The following MACROD1 variants were observed in gnomAD, a reference collection of about 807,000 sequenced individuals.
MACROD1 encodes the protein mono-ADP ribosylhydrolase 1.
Under a neutral mutation model 41.4 loss-of-function variants are expected in MACROD1, and 31 were observed. The ratio of observed to expected loss-of-function variants is 0.75; its 90% CI spans 0.56 to 1.01. The LOEUF (loss-of-function observed/expected upper bound fraction) is 1.01. Among genes scored for constraint, MACROD1 ranks in the 50% least tolerant of loss-of-function variants. The probability of loss-of-function intolerance (pLI) is 0.00; values close to 1 mark genes in which losing one functional copy is unlikely to be tolerated. For synonymous variants in MACROD1, 252 were observed against 203.4 expected, an observed-to-expected ratio of 1.24 and a Z score of -2.03; for missense variants, 473 against 460.0, an observed-to-expected ratio of 1.03 and a Z score of -0.26.
At chr11:64,058,669 C>T (rs539795246) in intron 3 of MACROD1, among the ~76,000 whole-genome samples, 5 of 152,382 alleles carry the variant, frequency 3.3e-5, no homozygotes, top group East Asian at 1.9e-4. Flanking sequence ...AACAGCTTCC[C>T]GCTCCACGCC....
chr11:64,061,476 C>T (rs1020724786), intron 3 of MACROD1, among the ~76,000 whole-genome samples: 2 of 152,196 alleles, frequency 1.3e-5, no homozygotes, highest in Non-Finnish European at 2.9e-5. Context: ...AAGTCCCCTG[C>T]CTCTGACCCC....
intron 3 of MACROD1, among the ~76,000 whole-genome samples, chr11:64,105,893 A>G (rs1944754267): frequency 6.6e-6 from 1 of 150,690 alleles, no homozygotes; most frequent in Admixed American, 6.6e-5. Context: ...TCATCTGCAA[A>G]AAGCAGACAA....
At chr11:64,145,079 C>T (rs1945474869) in intron 3 of MACROD1, among the ~76,000 whole-genome samples, 1 of 152,232 alleles carries the variant, frequency 6.6e-6, no homozygotes, top group Non-Finnish European at 1.5e-5. Context: ...GAGGCAGGGG[C>T]TGCCGGTGCT....
At chr11:64,051,489 T>A (rs1402994295) in intron 3 of MACROD1, among the ~76,000 whole-genome samples, 1 of 152,148 alleles carries the variant, frequency 6.6e-6, no homozygotes, top group Non-Finnish European at 1.5e-5. Context: ...GGGGGCACCC[T>A]CTCGGAAGCC....
chr11:64,120,124 G>C lies in MACROD1; in HGVS notation c.517+31115C>G, dbSNP rs980064931. The stretch of plus-strand genomic sequence containing the variant: ...GGGCAGGGGTTACGTTAAAAGGCCC[G>C]ACCGCCACCTTCAGTGAGGAGATGG... On this transcript the variant is annotated intron_variant, in intron 3 of 10. Transcript: ENST00000255681. This position sits in a 1 kb window ranked among gnomAD's most constrained non-coding sequence, Gnocchi z 4.5. 6.6e-6 allele frequency among the ~76,000 whole-genome samples: 1 copy of C among 152,160 alleles called. No individual in the cohort carries two copies. Among genetic ancestry groups the C allele is most frequent in the Non-Finnish European group, 1.5e-5 (1 of 68,026 alleles).
At chr11:64,014,071 T>C (rs542677545) in intron 4 of MACROD1, among the ~76,000 whole-genome samples, 8 of 152,174 alleles carry the variant, frequency 5.3e-5, no homozygotes, top group Admixed American at 2.0e-4. Context: ...ACCAGGCCCA[T>C]CTGTGCCCGG....
intron 1 of MACROD1, among the ~76,000 whole-genome samples, chr11:64,161,597 C>T (rs560894179): frequency 6.6e-6 from 1 of 152,294 alleles, no homozygotes; most frequent in East Asian, 1.9e-4. Context: ...AGGCAGAGTC[C>T]AGCTGGGGCA....
chr11:64,100,239 T>C (rs930668961), intron 3 of MACROD1, among the ~76,000 whole-genome samples: 2 of 152,168 alleles, frequency 1.3e-5, no homozygotes, highest in African/African-American at 4.8e-5. Flanking sequence ...ATGGGCAGAT[T>C]CGGCCAAAAC....
chr11:64,068,814 G>C (rs572718283), intron 3 of MACROD1, among the ~76,000 whole-genome samples: 1 of 152,204 alleles, frequency 6.6e-6, no homozygotes, highest in African/African-American at 2.4e-5. Flanking sequence ...ATCCTTTGTG[G>C]GCCTGTGTCA....
chr11:64,135,370 C>T (rs561403853), intron 3 of MACROD1, among the ~76,000 whole-genome samples: 1 of 152,344 alleles, frequency 6.6e-6, no homozygotes, highest in African/African-American at 2.4e-5. Flanking sequence ...TAAAGAGCAA[C>T]CCCGGCCAGG....
At chr11:64,000,666 G>A (rs1396941444) in intron 4 of MACROD1, among the ~76,000 whole-genome samples, 1 of 151,442 alleles carries the variant, frequency 6.6e-6, no homozygotes, top group Admixed American at 6.6e-5. Flanking sequence ...GGCGGGGGCC[G>A]CCGGGACAGG....
At chr11:64,140,161 G>C (rs1402989757) in intron 3 of MACROD1, among the ~76,000 whole-genome samples, 2 of 152,202 alleles carry the variant, frequency 1.3e-5, no homozygotes, top group Non-Finnish European at 2.9e-5. Context: ...ATGGCAGCCA[G>C]GCCCTGACAG....
chr11:64,115,607 T>C (rs761751389), intron 3 of MACROD1, among the ~76,000 whole-genome samples: 26 of 152,222 alleles, frequency 1.7e-4, no homozygotes, highest in Non-Finnish European at 3.5e-4. Flanking sequence ...TGAAGCTCCC[T>C]GCTCTCCACT....
chr11:64,025,708 GC>G (rs756280379), intron 3 of MACROD1, among the ~76,000 whole-genome samples: 11 of 117,400 alleles, frequency 9.4e-5, no homozygotes, highest in Admixed American at 4.9e-4. Flanking sequence ...GCTCTCATGG[GC>G]CCCCCCCGCT....
chr11:64,085,788 A>G (rs948132111), intron 3 of MACROD1, among the ~76,000 whole-genome samples: 1 of 152,190 alleles, frequency 6.6e-6, no homozygotes, highest in Non-Finnish European at 1.5e-5. Context: ...CTCAGGCCTC[A>G]GTTTCCTCAG....
At chr11:64,112,296 G>A (rs1047888258) in intron 3 of MACROD1, among the ~76,000 whole-genome samples, 2 of 152,126 alleles carry the variant, frequency 1.3e-5, no homozygotes, top group African/African-American at 2.4e-5. Context: ...GGTGGATCAC[G>A]AGGTCAAGAG....
chr11:64,021,808 C>T (rs1197652247), intron 3 of MACROD1, among the ~76,000 whole-genome samples: 2 of 152,006 alleles, frequency 1.3e-5, no homozygotes, highest in Admixed American at 1.3e-4. Context: ...GATGGGGCAG[C>T]CCTGCTGGCA....
At chr11:64,050,450 G>A (rs1943672064) in intron 3 of MACROD1, among the ~76,000 whole-genome samples, 2 of 152,208 alleles carry the variant, frequency 1.3e-5, no homozygotes, top group South Asian at 4.1e-4. Context: ...CCAGATGCCC[G>A]GGCACTGCTT....
intron 3 of MACROD1, among the ~76,000 whole-genome samples, chr11:64,074,239 C>A (rs776516802): frequency 6.6e-6 from 1 of 152,226 alleles, no homozygotes; most frequent in African/African-American, 2.4e-5. Flanking sequence ...GAATGCAGTT[C>A]GTGGGGTTCT....
Sources: gnomAD v4.1 joint callset for allele counts (sites outside exome capture counted in the v4.1 genomes callset) on GRCh38, gnomAD v4.1.1 for gene constraint, Gnocchi (gnomAD v3.1) non-coding constraint, MANE v1.5 for transcripts, NCBI Gene and HGNC (gene_info 2026-07-23, HGNC 2026-07-21) for gene names.